MKLN1: variants seen among roughly 807,000 people sequenced by gnomAD.
MKLN1 encodes the protein muskelin.
MKLN1 carries 18 observed loss-of-function variants against 99.0 expected under a neutral mutation model. The ratio of observed to expected loss-of-function variants is 0.18; its 90% CI spans 0.13 to 0.27. The LOEUF is 0.27. Ranked by LOEUF, MKLN1 falls within the 10% of genes least tolerant of loss-of-function variation. The pLI, the probability that MKLN1 is intolerant of heterozygous loss-of-function variation, is 1.00. For synonymous variants in MKLN1, 288 were observed against 293.2 expected (o/e 0.98, Z 0.18); for missense variants, 621 against 875.9 (o/e 0.71, Z 3.67).
intron 2 of MKLN1, among the ~76,000 whole-genome samples, chr7:131,200,211 C>T (rs1796706934): frequency 6.6e-6 from 1 of 152,208 alleles, no homozygotes; most frequent in African/African-American, 2.4e-5. Flanking sequence ...TGTTAAGAAA[C>T]TCCCACCCTG....
chr7:131,234,299 C>T (rs1797285324), intron 3 of MKLN1, among the ~76,000 whole-genome samples: 1 of 152,058 alleles, frequency 6.6e-6, no homozygotes, highest in Non-Finnish European at 1.5e-5. Flanking sequence ...AAAAAATAGT[C>T]TAAGAGAGTG....
At chr7:131,424,531 A>G (rs1230552114) in intron 8 of MKLN1, among the ~76,000 whole-genome samples, 1 of 152,218 alleles carries the variant, frequency 6.6e-6, no homozygotes, top group Non-Finnish European at 1.5e-5. Flanking sequence ...CCATTGTGCA[A>G]AAAGACACTG....
intron 3 of MKLN1, among the ~76,000 whole-genome samples, chr7:131,242,400 G>T (rs1361643377): frequency 6.6e-6 from 1 of 152,064 alleles, no homozygotes; most frequent in African/African-American, 2.4e-5. Flanking sequence ...GCTGGTTATG[G>T]TGGGGCATGC....
chr7:131,395,627 T>C (rs879623092), intron 4 of MKLN1, among the ~76,000 whole-genome samples: 2 of 151,796 alleles, frequency 1.3e-5, no homozygotes, highest in Non-Finnish European at 2.9e-5. Flanking sequence ...TTTGTACCAT[T>C]AGTGCAATGT....
At chr7:131,285,933 G>A (rs539144524) in intron 3 of MKLN1, among the ~76,000 whole-genome samples, 4 of 150,716 alleles carry the variant, frequency 2.7e-5, no homozygotes, top group Non-Finnish European at 4.4e-5. Context: ...TATTCTCTGC[G>A]TGTGTTTCCT....
chr7:131,270,216 C>T (rs1797864860), intron 3 of MKLN1, among the ~76,000 whole-genome samples: 2 of 151,312 alleles, frequency 1.3e-5, no homozygotes, highest in South Asian at 2.1e-4. Flanking sequence ...GCCATGCACC[C>T]GGCCTATTTT....
chr7:131,365,144 G>A (rs1800142807), intron 1 of MKLN1, among the ~76,000 whole-genome samples: 1 of 152,128 alleles, frequency 6.6e-6, no homozygotes, highest in Admixed American at 6.5e-5. Flanking sequence ...TTTAGTAATA[G>A]CCATTCTGAC....
chr7:131,288,173 T>G (rs1233059423), intron 3 of MKLN1, among the ~76,000 whole-genome samples: 1 of 152,148 alleles, frequency 6.6e-6, no homozygotes, highest in Non-Finnish European at 1.5e-5. Flanking sequence ...GCCCTCTGGC[T>G]TACTGTTGGG....
chr7:131,462,120 A>G (rs1160458200), intron 12 of MKLN1, among the ~76,000 whole-genome samples: 1 of 151,956 alleles, frequency 6.6e-6, no homozygotes, highest in Admixed American at 6.6e-5. Flanking sequence ...GCAGTTTCCA[A>G]CTCTGGGCTC....
chr7:131,340,401 C>G (rs957534763), intron 1 of MKLN1, among the ~76,000 whole-genome samples: 2 of 151,614 alleles, frequency 1.3e-5, no homozygotes, highest in East Asian at 1.9e-4. Flanking sequence ...CCTCAGCCCC[C>G]CCAAGTAGCT....
At chr7:131,164,272 T>A (rs1179510710) in intron 2 of MKLN1, among the ~76,000 whole-genome samples, 2 of 152,120 alleles carry the variant, frequency 1.3e-5, no homozygotes, top group African/African-American at 4.8e-5. Flanking sequence ...CCACCATGCC[T>A]AGCTAATTTT....
At chr7:131,336,753 C>T (rs573038653) in intron 1 of MKLN1, among the ~76,000 whole-genome samples, 5 of 152,206 alleles carry the variant, frequency 3.3e-5, no homozygotes, top group African/African-American at 1.2e-4. Flanking sequence ...TTTATGTTGT[C>T]ATTGTCATGC....
At chr7:131,349,784 G>A (rs560380845) in intron 1 of MKLN1, among the ~76,000 whole-genome samples, 21 of 152,106 alleles carry the variant, frequency 1.4e-4, no homozygotes, top group South Asian at 2.1e-4. Context: ...TCATGTTAGC[G>A]AGCTTTTTAG....
intron 2 of MKLN1, among the ~76,000 whole-genome samples, chr7:131,380,410 G>T (rs1793808659): frequency 1.3e-5 from 2 of 152,030 alleles, no homozygotes; most frequent in South Asian, 2.1e-4. Flanking sequence ...TTTTGGCAAA[G>T]AACTGAAAAC....
chr7:131,349,815 A>G (rs574291178), intron 1 of MKLN1, among the ~76,000 whole-genome samples: 1 of 152,204 alleles, frequency 6.6e-6, no homozygotes, highest in Admixed American at 6.5e-5. Context: ...GTCTAGTGAG[A>G]ATTTCCTATT....
chr7:131,410,435 A>G lies in MKLN1; in HGVS notation c.704-871A>G, dbSNP rs112460910. On this transcript the variant is annotated intron_variant, in intron 6 of 17. Coordinates refer to ENST00000352689, the MANE Select transcript of MKLN1 (RefSeq NM_013255.5). ...TCTAACATTTGGTAAGTGTTCCATAAGTATAGTTTTATTACTGCTGTTAGT... is the reference window on the plus strand; with the variant it reads ...TCTAACATTTGGTAAGTGTTCCATAGGTATAGTTTTATTACTGCTGTTAGT... Among the ~76,000 whole-genome samples the G allele has an allele frequency of 3.0e-3, 455 of 152,310 alleles. 1 individual carries two copies. Among genetic ancestry groups the G allele is most frequent in the African/African-American group, 0.01 (433 of 41,584 alleles).
At chr7:131,387,637 A>T (rs1286640326) in intron 3 of MKLN1, among the ~76,000 whole-genome samples, 2 of 152,190 alleles carry the variant, frequency 1.3e-5, no homozygotes, top group Non-Finnish European at 2.9e-5. Flanking sequence ...TAATTGCCCT[A>T]ATCCAGAAGC....
intron 2 of MKLN1, chr7:131,202,783 T>C (rs1394852984): frequency 6.6e-6 from 1 of 152,194 alleles, no homozygotes; most frequent in Non-Finnish European, 1.5e-5. Flanking sequence ...CTTTACTAGA[T>C]TTTAAAGATC....
intron 1 of MKLN1, among the ~76,000 whole-genome samples, chr7:131,121,638 C>CAAAAAAAAAAAAAA (rs55908773): frequency 8.8e-4 from 64 of 72,798 alleles, no homozygotes; most frequent in East Asian, 1.1e-3. Flanking sequence ...GACTCCGTCT[C>CAAAAAAAAAAAAAA]AAAAAAAAAA....
Sources: gnomAD v4.1 joint callset for allele counts (sites outside exome capture counted in the v4.1 genomes callset) on GRCh38, gnomAD v4.1.1 for gene constraint, MANE v1.5 for transcripts, NCBI Gene and HGNC (gene_info 2026-07-23, HGNC 2026-07-21) for gene names.